Variants in DAB1 observed in about 807,000 individuals in gnomAD.
The protein encoded by DAB1 is disabled homolog 1.
In DAB1, 15 loss-of-function variants were observed where a neutral mutation model predicts 64.6. That is an observed-to-expected ratio of 0.23 (90% CI 0.16 to 0.36). The LOEUF is 0.36. DAB1 is among the 10% of genes least tolerant of loss of function. The pLI is 1.00. For synonymous variants in DAB1, 235 were observed against 251.9 expected, an observed-to-expected ratio of 0.93 and a Z score of 0.64; for missense variants, 596 against 706.7, an observed-to-expected ratio of 0.84 and a Z score of 1.78.
intron 5 of DAB1, among the ~76,000 whole-genome samples, chr1:57,984,191 AG>A (rs1557594913): frequency 1.2e-4 from 6 of 51,448 alleles, no homozygotes; most frequent in African/African-American, 1.7e-4. Context: ...AAAAAAAGAA[AG>A]AAAGAAAGAA....
chr1:57,854,607 T>G (rs1653674647), intron 1 of DAB1, among the ~76,000 whole-genome samples: 1 of 152,236 alleles, frequency 6.6e-6, no homozygotes, highest in Non-Finnish European at 1.5e-5. Context: ...AAGTCTGTGC[T>G]GCCAATGCCC....
intron 1 of DAB1, among the ~76,000 whole-genome samples, chr1:57,297,753 T>A (rs902737593): frequency 2.0e-5 from 3 of 152,198 alleles, no homozygotes; most frequent in African/African-American, 7.2e-5. Flanking sequence ...ACTAAGTCCA[T>A]TCTGGCCTCA....
intron 1 of DAB1, among the ~76,000 whole-genome samples, chr1:57,839,398 TCTC>T (rs1312045662): frequency 2.6e-5 from 4 of 152,218 alleles, no homozygotes; most frequent in Admixed American, 6.5e-5. Flanking sequence ...CTCCTATTCT[TCTC>T]TGATTTTTCA....
At position 58,534,917 on chromosome 1, in the gene DAB1, G is replaced by A. The variant is rs146042659; in HGVS notation, n.33-7582C>T. On this transcript the variant is annotated intron_variant and non_coding_transcript_variant, in intron 1 of 20. Coordinates refer to the DAB1 transcript ENST00000485760. ...CGCCACTGCACTCCAACACCAACCT[G>A]GGTGACAGAGGGAGATCCCATCTCA... Among the ~76,000 whole-genome samples the A allele has an allele frequency of 5.4e-3, 823 of 152,292 alleles. 6 individuals are homozygous for A. The highest frequency in any genetic ancestry group is 0.019 in the African/African-American group (790 of 41,558).
At chr1:57,383,712 G>C (rs1681564942) in intron 1 of DAB1, among the ~76,000 whole-genome samples, 1 of 152,096 alleles carries the variant, frequency 6.6e-6, no homozygotes, top group Non-Finnish European at 1.5e-5. Context: ...AGATGCAAAA[G>C]AATGAAATTG....
chr1:57,257,286 C>G (rs1022351379), intron 2 of DAB1, among the ~76,000 whole-genome samples: 1 of 152,176 alleles, frequency 6.6e-6, no homozygotes, highest in Non-Finnish European at 1.5e-5. Flanking sequence ...CCAACACTGC[C>G]AGCTGCTTCC....
intron 7 of DAB1, among the ~76,000 whole-genome samples, chr1:57,591,964 C>T (rs1051859030): frequency 6.6e-6 from 1 of 152,170 alleles, no homozygotes; most frequent in East Asian, 1.9e-4. Flanking sequence ...TACAAATACA[C>T]TCTGTGATGT....
chr1:57,913,105 T>C (rs1644672572), intron 5 of DAB1, among the ~76,000 whole-genome samples: 1 of 152,190 alleles, frequency 6.6e-6, no homozygotes, highest in Non-Finnish European at 1.5e-5. Context: ...TTAAAGTTCA[T>C]ATGGAACCAA....
intron 6 of DAB1, among the ~76,000 whole-genome samples, chr1:57,758,702 A>G (rs1327425229): frequency 6.6e-6 from 1 of 152,190 alleles, no homozygotes; most frequent in Non-Finnish European, 1.5e-5. Flanking sequence ...ATTCACAATC[A>G]AAATTTCAAA....
chr1:57,289,046 C>T (rs1276865399), intron 2 of DAB1, among the ~76,000 whole-genome samples: 1 of 152,128 alleles, frequency 6.6e-6, no homozygotes, highest in African/African-American at 2.4e-5. Context: ...ACCCAAATCC[C>T]ATGATATTAG....
intron 5 of DAB1, among the ~76,000 whole-genome samples, chr1:57,892,071 T>G (rs1644323849): frequency 6.6e-6 from 1 of 152,192 alleles, no homozygotes; most frequent in African/African-American, 2.4e-5. Context: ...TTATCTTTGA[T>G]CTCTGCTGCA....
chr1:57,023,009 C>G (rs538224824), intron 11 of DAB1, among the ~76,000 whole-genome samples: 1 of 152,356 alleles, frequency 6.6e-6, no homozygotes, highest in East Asian at 1.9e-4. Flanking sequence ...CACATACTTT[C>G]TAACTCACCA....
chr1:58,461,800 C>T (rs139684492), intron 3 of DAB1, among the ~76,000 whole-genome samples: 11 of 152,280 alleles, frequency 7.2e-5, no homozygotes, highest in African/African-American at 2.2e-4. Context: ...ATGAGAAATG[C>T]GCTGATTTTC....
At chr1:57,350,520 T>G (rs1457629026) in intron 1 of DAB1, among the ~76,000 whole-genome samples, 1 of 152,132 alleles carries the variant, frequency 6.6e-6, no homozygotes, top group Admixed American at 6.6e-5. Flanking sequence ...CCCCGACTGC[T>G]GAATGGAATG....
At chr1:57,458,969 T>G (rs930865660) in intron 7 of DAB1, among the ~76,000 whole-genome samples, 1 of 152,100 alleles carries the variant, frequency 6.6e-6, no homozygotes, top group Non-Finnish European at 1.5e-5. Context: ...AAATAATGAG[T>G]ATTACTTTTA....
chr1:57,657,405 G>A (rs1346142838), intron 6 of DAB1, among the ~76,000 whole-genome samples: 3 of 152,178 alleles, frequency 2.0e-5, no homozygotes, highest in African/African-American at 7.2e-5. Context: ...ACAGTACGGA[G>A]TTCCCCATTG....
rs369439976 is a variant in DAB1, at chr1:57,619,865, T to C, written n.625+29727A>G. Among the ~76,000 whole-genome samples the C allele has an allele frequency of 4.9e-4, 75 of 152,024 alleles. 1 individual carries two copies. In the South Asian group the frequency reaches 0.015, roughly 30 times the overall value. On this transcript the variant is annotated intron_variant and non_coding_transcript_variant, in intron 7 of 20. Coordinates refer to the DAB1 transcript ENST00000485760. ...TCAAGGAGGGGAGGGGTCAACTGGA[T>C]CCAGAGCAGAGTGGGACTCTGACCA...
At chr1:57,284,605 C>G (rs1399867277) in intron 2 of DAB1, among the ~76,000 whole-genome samples, 1 of 152,230 alleles carries the variant, frequency 6.6e-6, no homozygotes, top group Non-Finnish European at 1.5e-5. Context: ...TGACCCCAGG[C>G]TGCCTCCTCT....
chr1:57,896,080 AAT>A (rs896080311), intron 5 of DAB1, among the ~76,000 whole-genome samples: 1 of 152,138 alleles, frequency 6.6e-6, no homozygotes. Flanking sequence ...CCTGGCACAC[AAT>A]ATGTGGGCTA....
Sources: gnomAD v4.1 joint callset for allele counts (sites outside exome capture counted in the v4.1 genomes callset) on GRCh38, gnomAD v4.1.1 for gene constraint, MANE v1.5 for transcripts, NCBI Gene and HGNC (gene_info 2026-07-23, HGNC 2026-07-21) for gene names.